Variants in MRC1 observed in about 807,000 individuals in gnomAD.
The protein encoded by MRC1 is macrophage mannose receptor 1.
MRC1 carries 62 observed loss-of-function variants against 102.9 expected under a neutral mutation model. The ratio of observed to expected loss-of-function variants is 0.60; its 90% CI spans 0.49 to 0.74. The LOEUF is 0.74. MRC1 is among the 30% of genes least tolerant of loss of function. MRC1 has a pLI of 0.00. For synonymous variants in MRC1, 457 were observed against 298.4 expected (o/e 1.53, Z -5.48); for missense variants, 1,237 against 862.8 (o/e 1.43, Z -5.43).
chr10:17,874,695 C>CT (rs1213680184), intron 16 of MRC1, among the ~76,000 whole-genome samples: 25,058 of 147,066 alleles, frequency 0.17, 2,324 homozygotes, highest in East Asian at 0.26. Context: ...CGAAGTTTTG[C>CT]TTTTTTTTTT....
chr10:17,860,072 C>A (rs1198622398), intron 9 of MRC1, among the ~76,000 whole-genome samples: 2 of 152,120 alleles, frequency 1.3e-5, no homozygotes, highest in Admixed American at 6.6e-5. Flanking sequence ...ATACCATATT[C>A]TGTATGGACA....
chr10:17,907,065 C>T (rs945405460), intron 27 of MRC1, 66 bp downstream of exon 27: 35,982 of 762,646 alleles, frequency 0.047, 1,116 homozygotes, highest in South Asian at 0.1. Context: ...AACAAGGTTT[C>T]GTTTCCAAAA....
intron 28 of MRC1, 109 bp from the exon 29 acceptor site, chr10:17,909,197 C>G: frequency 1.4e-6 from 1 of 714,186 alleles, no homozygotes; most frequent in Non-Finnish European, 2.6e-6. Context: ...ATATATCAAT[C>G]AACACACATC....
At chr10:17,837,272 A>AC (rs1838681187) in intron 4 of MRC1, among the ~76,000 whole-genome samples, 1 of 152,234 alleles carries the variant, frequency 6.6e-6, no homozygotes, top group Non-Finnish European at 1.5e-5. Flanking sequence ...CATCTGGATA[A>AC]GAATGGCATC....
chr10:17,899,361 A>G (rs1397507763), intron 24 of MRC1, among the ~76,000 whole-genome samples: 2 of 152,214 alleles, frequency 1.3e-5, no homozygotes, highest in Non-Finnish European at 2.9e-5. Flanking sequence ...TCTCACAGAC[A>G]TGTTCACGAT....
intron 21 of MRC1, among the ~76,000 whole-genome samples, chr10:17,884,729 TA>T (rs1290476346): frequency 5.9e-5 from 9 of 152,190 alleles, no homozygotes; most frequent in African/African-American, 2.2e-4. Flanking sequence ...GTCCCACCCT[TA>T]ATACATGGGA....
At chr10:17,875,377 A>G in intron 17 of MRC1, 124 bp downstream of exon 17, 3 of 715,612 alleles carry the variant, frequency 4.2e-6, no homozygotes, top group South Asian at 3.3e-5. Flanking sequence ...CCTGAGCAGT[A>G]TACGCTGTAC....
At position 17,827,372 on chromosome 10, in the gene MRC1, CAAAAAAAAAAAAAAAAAAAAAAA is replaced by C. The variant is rs782616938; in HGVS notation, c.464-154_464-132del. ...TAGAAGGAGAAGGAAAAAAAATACC[CAAAAAAAAAAAAAAAAAAAAAAA>C]AAAAAAAAAAAAAAAGAAATCCCTC... is the stretch of plus-strand genomic sequence containing the variant. On this transcript the variant is annotated intron_variant, in intron 2 of 29. Transcript: ENST00000569591. Among the ~76,000 whole-genome samples the C allele has an allele frequency of 1.9e-3, 120 of 64,032 alleles. 2 individuals carry two copies. Among genetic ancestry groups the C allele is most frequent in the Middle Eastern group, 0.012 (1 of 82 alleles). 42.0% of individuals were successfully genotyped at this position (64,032 alleles called of 152,430 possible). A position where few individuals can be genotyped will look rare whatever the true frequency, so the allele number is the denominator to read the frequency against.
chr10:17,814,679 T>C (rs1838279433), intron 1 of MRC1, among the ~76,000 whole-genome samples: 12 of 45,428 alleles, frequency 2.6e-4, no homozygotes, highest in South Asian at 8.3e-4. Flanking sequence ...CCGTCCCTCT[T>C]TTTTTTTTTT....
At chr10:17,872,220 A>G in intron 15 of MRC1, 94 bp downstream of exon 15, 1 of 775,976 alleles carries the variant, frequency 1.3e-6, no homozygotes, top group South Asian at 1.4e-5. Context: ...CAAACAAACA[A>G]AATAACAAAA....
At chr10:17,841,371 A>G (rs1838746666) in intron 5 of MRC1, among the ~76,000 whole-genome samples, 1 of 152,164 alleles carries the variant, frequency 6.6e-6, no homozygotes, top group Non-Finnish European at 1.5e-5. Context: ...CCTGTTTTTG[A>G]TTTAATAACA....
At chr10:17,822,660 A>T (rs937585121) in intron 1 of MRC1, among the ~76,000 whole-genome samples, 20 of 152,280 alleles carry the variant, frequency 1.3e-4, no homozygotes, top group South Asian at 6.2e-4. Flanking sequence ...TCTAGGACAT[A>T]CATGCATTTA....
chr10:17,883,213 C>T (rs1589190830), intron 21 of MRC1, among the ~76,000 whole-genome samples: 2 of 152,156 alleles, frequency 1.3e-5, no homozygotes. Flanking sequence ...CTGCAGCCTC[C>T]AACTCCTGGA....
chr10:17,854,674 C>G (rs961064019), intron 8 of MRC1: 2 of 202,770 alleles, frequency 9.9e-6, no homozygotes, highest in Admixed American at 1.2e-4. Flanking sequence ...ACAGACAATA[C>G]AGAAAACATT....
chr10:17,842,942 A>G (rs1223140029), intron 5 of MRC1, among the ~76,000 whole-genome samples: 2 of 152,234 alleles, frequency 1.3e-5, no homozygotes, highest in Non-Finnish European at 2.9e-5. Flanking sequence ...TCTTCCAACT[A>G]AAATTAGAGA....
chr10:17,845,300 G>C lies in MRC1; in HGVS notation c.928G>C (p.Ala310Pro). ...CCTTTTCCTCGAAGGAAGTCCATCA[G>C]CTGAACCTGGAAAAAGCTGTGTGTC... ...YLNWLPGSPS[A>P]EPGKSCVSLN... The change falls in exon 6 of 30, where the codon GCT (alanine) becomes CCT (proline). Residue 310 changes from alanine (A) to proline (P), a missense_variant. Coordinates refer to ENST00000569591, the MANE Select transcript of MRC1 (RefSeq NM_002438.4). 1.3e-6 allele frequency: 1 copy of C among 780,802 alleles called. No individual in the cohort carries two copies. Among genetic ancestry groups the C allele is most frequent in the South Asian group, 1.3e-5 (1 of 74,606 alleles). The allele number at this position is 780,802 out of a possible 1,614,324, so 48.4% of individuals were successfully genotyped here.
At chr10:17,864,359 G>T (rs1554841366) in intron 11 of MRC1, among the ~76,000 whole-genome samples, 2 of 152,160 alleles carry the variant, frequency 1.3e-5, no homozygotes, top group Non-Finnish European at 2.9e-5. Flanking sequence ...AAGCTTTTCA[G>T]TGCAATTAGG....
intron 7 of MRC1, among the ~76,000 whole-genome samples, chr10:17,850,327 C>A (rs921246441): frequency 0.027 from 3,953 of 144,306 alleles, 196 homozygotes; most frequent in African/African-American, 0.097. Flanking sequence ...GGCCAAGCTA[C>A]GGTGGCTCAT....
intron 1 of MRC1, among the ~76,000 whole-genome samples, chr10:17,810,983 A>G (rs1425139184): frequency 6.6e-6 from 1 of 152,032 alleles, no homozygotes; most frequent in Non-Finnish European, 1.5e-5. Context: ...AGTAGAGACA[A>G]CGTTTCACCA....
Sources: gnomAD v4.1 joint callset for allele counts (sites outside exome capture counted in the v4.1 genomes callset) on GRCh38, gnomAD v4.1.1 for gene constraint, MANE v1.5 for transcripts, NCBI Gene and HGNC (gene_info 2026-07-23, HGNC 2026-07-21) for gene names.